ATP8A2: variants seen among roughly 807,000 people sequenced by gnomAD.
ATP8A2 encodes phospholipid-transporting ATPase IB.
A neutral mutation model predicts 165.6 loss-of-function variants in ATP8A2; 100 were observed. The observed-to-expected ratio is 0.60, with a 90% confidence interval of 0.51 to 0.71. The LOEUF is 0.71. ATP8A2 is among the 30% of genes least tolerant of loss of function. The pLI is 0.00. For missense variants in ATP8A2, 1,227 were observed against 1,479.5 expected (o/e 0.83, Z 2.80); for synonymous variants, 543 against 548.8 (o/e 0.99, Z 0.15).
At chr13:25,454,111 T>G (rs1490845111) in intron 1 of ATP8A2, among the ~76,000 whole-genome samples, 12 of 152,106 alleles carry the variant, frequency 7.9e-5, no homozygotes, top group African/African-American at 2.9e-4. Flanking sequence ...AACTGCATGG[T>G]CTCTTGGCAC....
chr13:25,632,291 G>A (rs539779607), intron 24 of ATP8A2, among the ~76,000 whole-genome samples: 2 of 152,114 alleles, frequency 1.3e-5, no homozygotes, highest in African/African-American at 4.8e-5. Context: ...TAACTCACTG[G>A]CCATTGGTGA....
chr13:25,744,335 G>A (rs2043982334), intron 25 of ATP8A2, among the ~76,000 whole-genome samples: 1 of 148,370 alleles, frequency 6.7e-6, no homozygotes, highest in African/African-American at 2.6e-5. Context: ...ACCCCCCCGT[G>A]TGTATGTGCG....
intron 33 of ATP8A2, 151 bp from the exon 34 acceptor site, chr13:25,961,424 C>A: frequency 4.9e-6 from 3 of 614,562 alleles, no homozygotes; most frequent in Non-Finnish European, 8.8e-6. Context: ...ATCCGTCCCC[C>A]TGATGGTCCT....
chr13:25,644,047 G>A (rs567135724), intron 24 of ATP8A2, among the ~76,000 whole-genome samples: 1 of 151,780 alleles, frequency 6.6e-6, no homozygotes, highest in Non-Finnish European at 1.5e-5. Context: ...TTTTCAGAAT[G>A]TTCATTGTTA....
intron 24 of ATP8A2, among the ~76,000 whole-genome samples, chr13:25,610,976 G>C (rs949612693): frequency 6.9e-6 from 1 of 144,472 alleles, no homozygotes; most frequent in South Asian, 2.2e-4. Context: ...AAGAACTACT[G>C]ATTTCTGTAC....
At chr13:25,747,772 T>C (rs1354252585) in intron 25 of ATP8A2, among the ~76,000 whole-genome samples, 1 of 152,136 alleles carries the variant, frequency 6.6e-6, no homozygotes, top group Non-Finnish European at 1.5e-5. Flanking sequence ...TAGGACAGAG[T>C]TGCAGTGAGT....
chr13:25,405,485 C>T (rs552018004), intron 1 of ATP8A2, among the ~76,000 whole-genome samples: 54 of 152,292 alleles, frequency 3.5e-4, no homozygotes, highest in African/African-American at 1.2e-3. Context: ...CCACGTATCT[C>T]AGCCTCCCAG....
rs116527267 is a variant in ATP8A2 at position 25,760,054 on chromosome 13, G to A, written c.2385-8992G>A. On this transcript the variant is annotated intron_variant, in intron 25 of 36. Coordinates refer to ENST00000381655, the MANE Select transcript of ATP8A2 (RefSeq NM_016529.6). ...CCCTTTCTCAGTTGTGGAGTAAACC[G>A]ATCTTGAGCAGACAGGGTGTCCTCC... Among the ~76,000 whole-genome samples the A allele has an allele frequency of 3.9e-3, 600 of 152,272 alleles. 4 individuals are homozygous for A. Among genetic ancestry groups the A allele is most frequent in the African/African-American group, 0.013 (554 of 41,556 alleles).
intron 27 of ATP8A2, among the ~76,000 whole-genome samples, chr13:25,797,580 T>C (rs1385078180): frequency 6.6e-6 from 1 of 152,238 alleles, no homozygotes; most frequent in African/African-American, 2.4e-5. Context: ...CTATATAGAC[T>C]GTTAAGGCCC....
intron 2 of ATP8A2, among the ~76,000 whole-genome samples, chr13:25,478,510 T>C (rs2036059907): frequency 6.6e-6 from 1 of 152,176 alleles, no homozygotes; most frequent in Non-Finnish European, 1.5e-5. Flanking sequence ...CTGAAATCCA[T>C]GAGGTTGGGT....
intron 5 of ATP8A2, 92 bp from the exon 6 acceptor site, chr13:25,533,181 A>G (rs1466667349): frequency 1.4e-6 from 1 of 726,362 alleles, no homozygotes. Context: ...TAGAATTAAT[A>G]AATGGAATTC....
chr13:25,637,686 G>T (rs1265066912), intron 24 of ATP8A2, among the ~76,000 whole-genome samples: 1 of 152,172 alleles, frequency 6.6e-6, no homozygotes, highest in Non-Finnish European at 1.5e-5. Context: ...TGGGGGCAGG[G>T]CATAGCCAAA....
intron 2 of ATP8A2, among the ~76,000 whole-genome samples, chr13:25,523,023 G>T (rs146396606): frequency 4.0e-5 from 6 of 151,834 alleles, no homozygotes. Context: ...TACTCTGGAG[G>T]CTGAGGCTAC....
At chr13:25,450,930 G>C (rs2035208269) in intron 1 of ATP8A2, among the ~76,000 whole-genome samples, 1 of 152,026 alleles carries the variant, frequency 6.6e-6, no homozygotes, top group African/African-American at 2.4e-5. Context: ...GCCTTGATGT[G>C]TTTTTAAAAA....
chr13:25,773,496 C>T (rs918497520), intron 26 of ATP8A2, among the ~76,000 whole-genome samples: 2 of 152,236 alleles, frequency 1.3e-5, no homozygotes, highest in African/African-American at 4.8e-5. Context: ...TCCAGAGACC[C>T]CCTCCCCCAG....
chr13:25,784,712 G>T (rs1009205585), intron 27 of ATP8A2, among the ~76,000 whole-genome samples: 1 of 151,954 alleles, frequency 6.6e-6, no homozygotes, highest in East Asian at 1.9e-4. Context: ...AATCTTTCCC[G>T]GTGTAATTTT....
At chr13:25,793,022 AGAG>A (rs1418848034) in intron 27 of ATP8A2, among the ~76,000 whole-genome samples, 4 of 101,222 alleles carry the variant, frequency 4.0e-5, no homozygotes, top group African/African-American at 1.3e-4. Context: ...AGGAGAGAAG[AGAG>A]GAGAAGAGAG....
chr13:25,445,104 G>A (rs1745993808), intron 1 of ATP8A2, among the ~76,000 whole-genome samples: 1 of 152,164 alleles, frequency 6.6e-6, no homozygotes, highest in Admixed American at 6.5e-5. Flanking sequence ...TTTCCAGCCT[G>A]TGATTTCCCT....
chr13:25,431,397 C>T (rs2034607358), intron 1 of ATP8A2, among the ~76,000 whole-genome samples: 1 of 152,162 alleles, frequency 6.6e-6, no homozygotes, highest in South Asian at 2.1e-4. Flanking sequence ...GGTCAGCTCG[C>T]CTCAGCCTCC....
Sources: gnomAD v4.1 joint callset for allele counts (sites outside exome capture counted in the v4.1 genomes callset) on GRCh38, gnomAD v4.1.1 for gene constraint, MANE v1.5 for transcripts, NCBI Gene and HGNC (gene_info 2026-07-23, HGNC 2026-07-21) for gene names.